The following ZNF554 variants were observed in gnomAD, a reference collection of about 807,000 sequenced individuals.
The protein encoded by ZNF554 is zinc finger protein 554.
ZNF554 carries 15 observed loss-of-function variants against 21.2 expected under a neutral mutation model. The ratio of observed to expected loss-of-function variants is 0.71; its 90% CI spans 0.47 to 1.09. The LOEUF is 1.09. Ranked by LOEUF, ZNF554 falls within the 50% of genes least tolerant of loss-of-function variation. The pLI is 0.00. For missense variants in ZNF554, 691 were observed against 662.7 expected (o/e 1.04, Z -0.47); for synonymous variants, 258 against 251.4 (o/e 1.03, Z -0.25).
rs1348424568 is a variant in ZNF554, at chr19:2,833,820, C to A, written c.585C>A (p.Asp195Glu). The change falls in exon 5 of 5, where the codon GAC becomes GAA. Residue 195 changes from aspartate to glutamate, a missense_variant. Transcript: ENST00000317243. ...AGCAGTTAGAGGACAGCCATGAAGA[C>A]CCCCAGGGGCTTTTGAGCCAAAAGG... Reference protein sequence around the residue: ...GWKQLEDSHEDPQGLLSQKAS... With the variant: ...GWKQLEDSHEEPQGLLSQKAS... 3 of 1,612,586 alleles carry A rather than the reference C, an allele frequency of 1.9e-6. No individual in the cohort carries two copies. The highest frequency in any genetic ancestry group is 2.5e-6 in the Non-Finnish European group (3 of 1,179,278).
chr19:2,827,670 G>A lies in ZNF554; in HGVS notation c.180G>A (p.Glu60=). ...VSMDFSQEEW[E]LLEPAQKNLY... ...TGGACTTCTCCCAGGAGGAGTGGGA[G>A]TTGCTGGAGCCTGCTCAGAAGAACC... The change falls in exon 3 of 5, where the codon GAG becomes GAA. Residue 60 remains glutamate, a synonymous_variant. Coordinates refer to ENST00000317243, the MANE Select transcript of ZNF554 (RefSeq NM_001102651.2). The A allele has an allele frequency of 1.9e-6, 3 of 1,614,072 alleles. No individual in the cohort carries two copies. The highest frequency in any genetic ancestry group is 2.5e-6 in the Non-Finnish European group (3 of 1,179,984).
In ZNF554 at chr19:2,834,512, A is replaced by G. The variant is rs1224342162; in HGVS notation, c.1277A>G (p.His426Arg). 6 of 1,614,052 alleles carry G rather than the reference A, an allele frequency of 3.7e-6. No homozygotes were observed. In the African/African-American group the frequency reaches 5.3e-5, roughly 14 times the overall value. The change falls in exon 5 of 5, where the codon CAC (histidine) becomes CGC (arginine). Residue 426 changes from histidine to arginine, a missense_variant. By Grantham distance (29) the His-to-Arg change is conservative (BLOSUM62 0). Transcript: ENST00000317243. Reference sequence around the variant, plus strand: ...TGCCAGAGCTCTTACCTGATCTTGCACAAGAGGACACACACCGGAGAGAAG... The same window carrying G: ...TGCCAGAGCTCTTACCTGATCTTGCGCAAGAGGACACACACCGGAGAGAAG... ...SFCQSSYLIL[H>R]KRTHTGEKPY...
intron 4 of ZNF554, 60 bp from the exon 5 acceptor site, chr19:2,833,621 T>C: frequency 7.0e-7 from 1 of 1,432,258 alleles, no homozygotes; most frequent in South Asian, 1.4e-5. Context: ...TCTGTCCCGC[T>C]GGTTTTCAAG....
At chr19:2,833,522 C>T (rs943388322) in intron 4 of ZNF554, among the ~76,000 whole-genome samples, 159 bp from the exon 5 acceptor site, 7 of 152,212 alleles carry the variant, frequency 4.6e-5, no homozygotes, top group African/African-American at 1.7e-4. Flanking sequence ...TTCCTTGCCA[C>T]CCATCTCTCT....
rs2087258282 is a variant in ZNF554, at chr19:2,821,174, C to T, written c.53+1050C>T. On this transcript the variant is annotated intron_variant, in intron 1 of 4. Transcript: ENST00000317243. The surrounding 1 kb of genome is among the most constrained non-coding windows in gnomAD (Gnocchi z 8.2). ...GCACGATCTCGGCTCACTGCATCCACCTCGTGGGTTCAAGTGATTCTCCTG... is the reference window on the plus strand; with the variant it reads ...GCACGATCTCGGCTCACTGCATCCATCTCGTGGGTTCAAGTGATTCTCCTG... Among the ~76,000 whole-genome samples the T allele has an allele frequency of 6.6e-6, 1 of 151,394 alleles. No homozygotes were observed. The highest frequency in any genetic ancestry group is 2.1e-4 in the South Asian group (1 of 4,818).
At position 2,833,827 on chromosome 19, in the gene ZNF554, G is replaced by A. The variant is rs1366637702; in HGVS notation, c.592G>A (p.Gly198Arg). 1 of 1,612,832 alleles carries A rather than the reference G, an allele frequency of 6.2e-7. No individual in the cohort carries two copies. Among genetic ancestry groups the A allele is most frequent in the East Asian group, 2.2e-5 (1 of 44,854 alleles). Residue 198 changes from glycine to arginine, a missense_variant, in exon 5 of 5, where the codon GGG (glycine) becomes AGG (arginine). Physicochemically the swap from Gly to Arg is moderately radical, Grantham distance 125 (BLOSUM62 -2). Transcript: ENST00000317243. ...QLEDSHEDPQ[G>R]LLSQKASLHV... ...AGAGGACAGCCATGAAGACCCCCAG[G>A]GGCTTTTGAGCCAAAAGGCATCCCT...
At chr19:2,822,128 G>C (rs1398852038) in intron 1 of ZNF554, among the ~76,000 whole-genome samples, 1 of 152,080 alleles carries the variant, frequency 6.6e-6, no homozygotes, top group East Asian at 1.9e-4. Context: ...TTGGCTCACT[G>C]TAACCCCTGT....
chr19:2,828,986 T>C (rs1429652893), intron 3 of ZNF554, among the ~76,000 whole-genome samples: 1 of 151,948 alleles, frequency 6.6e-6, no homozygotes, highest in African/African-American at 2.4e-5. Flanking sequence ...GGGAGACAGC[T>C]CAACCATATC....
rs141993645 is a variant in ZNF554, at chr19:2,822,912, G to A, written c.54-128G>A. The A allele has an allele frequency of 3.0e-4, 254 of 840,892 alleles. 1 individual carries two copies. The African/African-American group carries it at 3.9e-3, about 13-fold the overall frequency. 52.1% of individuals were successfully genotyped at this position (840,892 alleles called of 1,614,324 possible). A position where few individuals can be genotyped will look rare whatever the true frequency, so the allele number is the denominator to read the frequency against. On this transcript the variant is annotated intron_variant, in intron 1 of 4. Coordinates refer to ENST00000317243, the MANE Select transcript of ZNF554 (RefSeq NM_001102651.2). ...ACCCTGGCTTCAGTCCTGGGTTCTGGCTTCAGTTTACCTCCCTCTGTGTAT... is the reference window on the plus strand; with the variant it reads ...ACCCTGGCTTCAGTCCTGGGTTCTGACTTCAGTTTACCTCCCTCTGTGTAT...
chr19:2,819,879 T>G lies in ZNF554; in HGVS notation c.-193T>G, dbSNP rs190069427. 1,608 of 328,504 alleles carry G rather than the reference T, an allele frequency of 4.9e-3. 11 individuals are homozygous for G. Among genetic ancestry groups the G allele is most frequent in the Non-Finnish European group, 5.0e-3 (929 of 185,630 alleles). 20.3% of individuals were successfully genotyped at this position (328,504 alleles called of 1,614,324 possible). ...GGGTGCGCAGGCGCAGTGCCGAGTT[T>G]ACCTCTGCGCGCGTCGGGGTTGGTG... On this transcript the variant is annotated 5_prime_UTR_variant, in exon 1 of 5. Coordinates refer to ENST00000317243, the MANE Select transcript of ZNF554 (RefSeq NM_001102651.2).
intron 1 of ZNF554, among the ~76,000 whole-genome samples, chr19:2,820,684 CTTTTT>C (rs762586098): frequency 9.7e-6 from 1 of 103,192 alleles, no homozygotes; most frequent in Non-Finnish European, 2.0e-5. Context: ...AGCAAGGGTC[CTTTTT>C]TTTTTTTTTT....
chr19:2,825,149 A>G (rs1350492719), intron 2 of ZNF554, among the ~76,000 whole-genome samples: 1 of 151,318 alleles, frequency 6.6e-6, no homozygotes, highest in Non-Finnish European at 1.5e-5. Context: ...AGTAGTTGGG[A>G]TTATGGGCAT....
chr19:2,829,038 A>G (rs2087376399), intron 3 of ZNF554, among the ~76,000 whole-genome samples: 1 of 152,020 alleles, frequency 6.6e-6, no homozygotes, highest in Non-Finnish European at 1.5e-5. Context: ...AAGAGCCATC[A>G]TTAAAAAAAA....
intron 4 of ZNF554, among the ~76,000 whole-genome samples, 159 bp downstream of exon 4, chr19:2,832,653 T>C (rs1390387961): frequency 6.6e-6 from 1 of 152,204 alleles, no homozygotes; most frequent in Admixed American, 6.5e-5. Flanking sequence ...TCCTTCTCTT[T>C]ACTACCTTAC....
intron 1 of ZNF554, among the ~76,000 whole-genome samples, chr19:2,820,605 C>T (rs1040737913): frequency 8.6e-5 from 13 of 151,626 alleles, no homozygotes; most frequent in Non-Finnish European, 1.6e-4. Flanking sequence ...GACCCAGGCT[C>T]CAGTGTCCAC....
intron 3 of ZNF554, 27 bp downstream of exon 3, chr19:2,827,770 G>T (rs756345910): frequency 6.2e-7 from 1 of 1,613,336 alleles, no homozygotes; most frequent in Non-Finnish European, 8.5e-7. Flanking sequence ...TAATTCCTGT[G>T]TTCATTGATT....
chr19:2,825,012 T>G (rs947434931), intron 2 of ZNF554, among the ~76,000 whole-genome samples: 13 of 147,918 alleles, frequency 8.8e-5, no homozygotes, highest in South Asian at 6.5e-4. Context: ...TGTTTTTTTT[T>G]TTTTTTTTTT....
chr19:2,830,529 T>C (rs531067967), intron 3 of ZNF554: 2 of 152,344 alleles, frequency 1.3e-5, no homozygotes, highest in South Asian at 2.1e-4. Context: ...AGGAGTAGAA[T>C]TGCTGGATCA....
At chr19:2,832,134 C>A in intron 3 of ZNF554, 169 bp from the exon 4 acceptor site, 2 of 519,998 alleles carry the variant, frequency 3.8e-6, no homozygotes, top group Non-Finnish European at 6.6e-6. Flanking sequence ...CCATGTTGGC[C>A]AGGCTGGTCT....
Sources: allele counts gnomAD v4.1 joint callset (sites outside exome capture counted in the v4.1 genomes callset), GRCh38; gene constraint gnomAD v4.1.1; non-coding constraint Gnocchi (gnomAD v3.1); transcripts MANE v1.5; gene names NCBI Gene and HGNC (gene_info 2026-07-23, HGNC 2026-07-21).